Variants in PSMB1 observed in about 807,000 individuals in gnomAD.
PSMB1 encodes proteasome subunit beta type-1.
Under a neutral mutation model 25.4 loss-of-function variants are expected in PSMB1, and 7 were observed. That is an observed-to-expected ratio of 0.28 (90% confidence interval 0.16 to 0.52). The LOEUF is 0.52. PSMB1 is among the 20% of genes least tolerant of loss of function. The pLI is 0.97. For missense variants in PSMB1, 284 were observed against 302.2 expected (o/e 0.94, Z 0.45); for synonymous variants, 119 against 115.0 (o/e 1.03, Z -0.22).
chr6:170,545,105 T>C (rs1023868582), intron 3 of PSMB1, among the ~76,000 whole-genome samples: 7 of 151,248 alleles, frequency 4.6e-5, no homozygotes, highest in African/African-American at 1.5e-4. Context: ...GATCATGCCA[T>C]TGCACTCCAG....
At position 170,553,206 on chromosome 6, in the gene PSMB1, T is replaced by C; in HGVS notation, c.37A>G (p.Arg13Gly). Reference sequence around the variant, plus strand: ...CTGTGCGGTTCCATCCCCAAGTCTCTGCCAGGAGCCGAATACATGGCTGTA... The same window carrying C: ...CTGTGCGGTTCCATCCCCAAGTCTCCGCCAGGAGCCGAATACATGGCTGTA... ...SSTAMYSAPG[R>G]DLGMEPHRAA... Residue 13 changes from arginine to glycine, a missense_variant, in exon 1 of 6, where the codon AGA becomes GGA. Transcript: ENST00000262193. The C allele has an allele frequency of 1.9e-6, 3 of 1,613,844 alleles. No homozygotes were observed. The highest frequency in any genetic ancestry group is 1.1e-5 in the South Asian group (1 of 90,960).
chr6:170,542,789 G>C (rs1778772185), intron 4 of PSMB1, among the ~76,000 whole-genome samples: 1 of 152,186 alleles, frequency 6.6e-6, no homozygotes, highest in Non-Finnish European at 1.5e-5. Context: ...GGTTCAGCCA[G>C]AAGGAACACA....
At chr6:170,550,144 C>T (rs934017745) in intron 1 of PSMB1, 6 of 152,196 alleles carry the variant, frequency 3.9e-5, no homozygotes, top group Non-Finnish European at 5.9e-5. Context: ...GCCTCACAGA[C>T]GTAAGCACTC....
rs1266541716 is a variant in PSMB1 at position 170,535,304 on chromosome 6, A to G, written c.642T>C (p.Asp214=). 1.1e-5 allele frequency: 18 copies of G among 1,614,106 alleles called. No homozygotes were observed. Among genetic ancestry groups the G allele is most frequent in the Non-Finnish European group, 1.4e-5 (17 of 1,180,012 alleles). ...TCCGGAGTGCGTCCCCAGTGTACAC[A>G]TCTCTCTCAGCCGCAGAAATGAAGA... is the stretch of plus-strand genomic sequence containing the variant. ...KDVFISAAER[D]VYTGDALRIC... The change falls in exon 6 of 6, where the codon GAT becomes GAC. Residue 214 remains aspartate (D), a synonymous_variant. Transcript: ENST00000262193.
chr6:170,546,230 G>C (rs1205698915), intron 2 of PSMB1, 46 bp from the exon 3 acceptor site: 1 of 1,465,902 alleles, frequency 6.8e-7, no homozygotes, highest in Non-Finnish European at 9.5e-7. Context: ...AGATAGTAGA[G>C]CAAAACATAT....
intron 3 of PSMB1, among the ~76,000 whole-genome samples, chr6:170,544,085 C>T (rs1045363065): frequency 6.6e-6 from 1 of 152,118 alleles, no homozygotes; most frequent in African/African-American, 2.4e-5. Context: ...CAACAAACTA[C>T]CCCTGTAGTT....
intron 2 of PSMB1, among the ~76,000 whole-genome samples, chr6:170,548,237 A>G (rs537158732): frequency 1.3e-5 from 2 of 152,366 alleles, no homozygotes; most frequent in Admixed American, 1.3e-4. Flanking sequence ...AGGAGGGTCC[A>G]TCCAAAGGAC....
chr6:170,539,750 G>A (rs1048537044), intron 4 of PSMB1, among the ~76,000 whole-genome samples: 1 of 152,220 alleles, frequency 6.6e-6, no homozygotes, highest in Admixed American at 6.5e-5. Context: ...AGCAAGACAA[G>A]CATAATTGGG....
intron 1 of PSMB1, among the ~76,000 whole-genome samples, chr6:170,552,857 A>T (rs1778929957): frequency 6.6e-6 from 1 of 152,252 alleles, no homozygotes; most frequent in Non-Finnish European, 1.5e-5. Flanking sequence ...GGCGGTCCAC[A>T]TAAAAACTCA....
chr6:170,537,918 A>G (rs1433862752), intron 4 of PSMB1, among the ~76,000 whole-genome samples: 2 of 152,216 alleles, frequency 1.3e-5, no homozygotes. Flanking sequence ...CGAAGAGGAG[A>G]ACTTGAAGGA....
At chr6:170,537,540 A>C (rs1778710201) in intron 4 of PSMB1, among the ~76,000 whole-genome samples, 200 bp from the exon 5 acceptor site, 1 of 152,184 alleles carries the variant, frequency 6.6e-6, no homozygotes, top group Non-Finnish European at 1.5e-5. Context: ...GCCAGAACCC[A>C]GTCACCATTG....
At chr6:170,545,481 T>C (rs1379243862) in intron 3 of PSMB1, among the ~76,000 whole-genome samples, 1 of 152,218 alleles carries the variant, frequency 6.6e-6, no homozygotes, top group Non-Finnish European at 1.5e-5. Flanking sequence ...TAAATAAATA[T>C]ACTATATACT....
chr6:170,540,736 T>A (rs28552935), intron 4 of PSMB1, among the ~76,000 whole-genome samples: 31 of 151,780 alleles, frequency 2.0e-4, no homozygotes, highest in South Asian at 4.2e-4. Flanking sequence ...GGATTTTTTT[T>A]AAAAAGACAA....
intron 3 of PSMB1, among the ~76,000 whole-genome samples, chr6:170,545,612 G>A (rs1022020663): frequency 4.6e-5 from 7 of 152,198 alleles, no homozygotes; most frequent in Admixed American, 1.3e-4. Context: ...GGTGACAGAC[G>A]TTAATGGTGC....
At chr6:170,544,760 A>T (rs1778797074) in intron 3 of PSMB1, among the ~76,000 whole-genome samples, 1 of 152,226 alleles carries the variant, frequency 6.6e-6, no homozygotes, top group African/African-American at 2.4e-5. Context: ...ATGACAGTCA[A>T]AACACTGAAA....
chr6:170,535,792 C>A (rs1243349279), intron 5 of PSMB1, among the ~76,000 whole-genome samples: 2 of 152,164 alleles, frequency 1.3e-5, no homozygotes, highest in African/African-American at 4.8e-5. Flanking sequence ...GCGCTGAAGG[C>A]TACACTGAAG....
chr6:170,536,582 T>C, intron 5 of PSMB1: 1 of 436,546 alleles, frequency 2.3e-6, no homozygotes, highest in Admixed American at 2.6e-5. Flanking sequence ...GATGTAAACT[T>C]ACAGTATCAA....
intron 5 of PSMB1, 127 bp from the exon 6 acceptor site, chr6:170,535,532 T>C: frequency 1.2e-6 from 1 of 801,506 alleles, no homozygotes; most frequent in Non-Finnish European, 1.9e-6. Context: ...AATTAAAATG[T>C]CCTTCAGACT....
Position 170,549,119 on chromosome 6 carries a change from G to GAAAAAA in PSMB1, c.114-12_114-7dup, listed in dbSNP as rs1778859856. On this transcript the variant is annotated splice_region_variant and splice_polypyrimidine_tract_variant and intron_variant, in intron 1 of 5. Transcript: ENST00000262193. ...CAGCAATTGCCAGTATAGTACTGAG[G>GAAAAAA]AAAAAAGAAAAAAATTAATTCTCCA... 1.9e-6 allele frequency: 3 copies of GAAAAAA among 1,548,970 alleles called. No homozygotes were observed. Among genetic ancestry groups the GAAAAAA allele is most frequent in the African/African-American group, 2.7e-5 (2 of 73,214 alleles).
Sources: allele counts gnomAD v4.1 joint callset (sites outside exome capture counted in the v4.1 genomes callset), GRCh38; gene constraint gnomAD v4.1.1; transcripts MANE v1.5; gene names NCBI Gene and HGNC (gene_info 2026-07-23, HGNC 2026-07-21).